Variants in ARHGEF38 observed in about 807,000 individuals in gnomAD.
ARHGEF38 encodes the protein Rho guanine nucleotide exchange factor (GEF) 38.
A neutral mutation model predicts 79.9 loss-of-function variants in ARHGEF38; 79 were observed. The observed-to-expected ratio is 0.99, with a 90% CI of 0.82 to 1.19. ARHGEF38 has a LOEUF of 1.19. Ranked by LOEUF, ARHGEF38 falls within the 50% of genes most tolerant of loss-of-function variation. The pLI is 0.00. For missense variants in ARHGEF38, 962 were observed against 907.2 expected, an observed-to-expected ratio of 1.06 and a Z score of -0.78; for synonymous variants, 366 against 328.3, an observed-to-expected ratio of 1.11 and a Z score of -1.24.
At chr4:105,607,013 T>A (rs1728073180) in intron 2 of ARHGEF38, among the ~76,000 whole-genome samples, 1 of 152,102 alleles carries the variant, frequency 6.6e-6, no homozygotes, top group Non-Finnish European at 1.5e-5. Context: ...CCTAGACTTC[T>A]TTACAGTGTT....
intron 13 of ARHGEF38, among the ~76,000 whole-genome samples, chr4:105,673,044 G>C (rs1731006648): frequency 6.6e-6 from 1 of 152,202 alleles, no homozygotes; most frequent in Non-Finnish European, 1.5e-5. Context: ...GCCCATCCAG[G>C]ATAATCCCTC....
chr4:105,675,889 G>A (rs1327165601), intron 13 of ARHGEF38, among the ~76,000 whole-genome samples: 1 of 152,094 alleles, frequency 6.6e-6, no homozygotes, highest in Non-Finnish European at 1.5e-5. Context: ...GAAGTTGAAG[G>A]CTAATCACCT....
chr4:105,567,878 C>G (rs1367469949), intron 1 of ARHGEF38, among the ~76,000 whole-genome samples: 1 of 151,380 alleles, frequency 6.6e-6, no homozygotes, highest in Non-Finnish European at 1.5e-5. Flanking sequence ...TGCGCTGCAC[C>G]CACTAACTCG....
chr4:105,630,886 T>G lies in ARHGEF38; in HGVS notation c.509-12T>G, dbSNP rs1239057615. On this transcript the variant is annotated splice_polypyrimidine_tract_variant and intron_variant, in intron 3 of 13. Coordinates refer to ENST00000420470, the MANE Select transcript of ARHGEF38 (RefSeq NM_001242729.2). ...TGATGATGTCATTTTGCCTTTGTTT[T>G]GCATTTATCAGGAGAAGTATTCTTG... 12 of 1,598,102 alleles carry G rather than the reference T, an allele frequency of 7.5e-6. No homozygotes were observed. Among genetic ancestry groups the G allele is most frequent in the Admixed American group, 1.8e-5 (1 of 56,436 alleles).
chr4:105,615,045 A>G (rs1434671599), intron 3 of ARHGEF38, among the ~76,000 whole-genome samples: 8 of 152,252 alleles, frequency 5.3e-5, no homozygotes, highest in Admixed American at 5.2e-4. Flanking sequence ...AATAGGGTCC[A>G]TGTTGAGGAG....
At chr4:105,630,574 C>T (rs1321935333) in intron 3 of ARHGEF38, among the ~76,000 whole-genome samples, 1 of 152,164 alleles carries the variant, frequency 6.6e-6, no homozygotes, top group Non-Finnish European at 1.5e-5. Flanking sequence ...TTCTGCACAT[C>T]AACCTTGTGT....
At chr4:105,572,657 C>A (rs866161850) in intron 1 of ARHGEF38, among the ~76,000 whole-genome samples, 1 of 152,130 alleles carries the variant, frequency 6.6e-6, no homozygotes, top group Middle Eastern at 3.2e-3. Context: ...TTGTGCCTGG[C>A]TTATTTTACT....
chr4:105,652,553 A>G (rs1730148130), intron 7 of ARHGEF38, among the ~76,000 whole-genome samples: 1 of 152,354 alleles, frequency 6.6e-6, no homozygotes, highest in Admixed American at 6.5e-5. Context: ...GAACAGCAGT[A>G]TATTCCAGCA....
chr4:105,663,701 G>A (rs896455672), intron 10 of ARHGEF38, among the ~76,000 whole-genome samples: 26 of 152,240 alleles, frequency 1.7e-4, no homozygotes, highest in Non-Finnish European at 3.4e-4. Context: ...TGGATGTGGT[G>A]GCTCACGCCT....
rs536112985 is a variant in ARHGEF38 at position 105,649,037 on chromosome 4, T to A, written c.1008+355T>A. Among the ~76,000 whole-genome samples, 96 of 152,190 alleles carry A rather than the reference T, an allele frequency of 6.3e-4. 1 individual carries two copies. The highest frequency in any genetic ancestry group is 2.6e-4 in the Admixed American group (4 of 15,276). On this transcript the variant is annotated intron_variant, in intron 7 of 13. Coordinates refer to ENST00000420470, the MANE Select transcript of ARHGEF38 (RefSeq NM_001242729.2). ...ATATTCTCCCTCAAGGCAATGCCCT[T>A]CTTCCATCCTGTTTTACTTCTGCTC...
intron 1 of ARHGEF38, among the ~76,000 whole-genome samples, chr4:105,586,017 C>T (rs978303821): frequency 6.6e-6 from 1 of 152,074 alleles, no homozygotes; most frequent in Non-Finnish European, 1.5e-5. Flanking sequence ...AGGCATGAGC[C>T]ACTGCGCCAG....
chr4:105,638,937 G>A (rs1055531511), intron 5 of ARHGEF38, among the ~76,000 whole-genome samples: 3 of 151,420 alleles, frequency 2.0e-5, no homozygotes, highest in African/African-American at 7.3e-5. Flanking sequence ...TGATTTTTTG[G>A]ATCAATTTCT....
chr4:105,577,256 C>T (rs1726550388), intron 1 of ARHGEF38, among the ~76,000 whole-genome samples: 2 of 112,652 alleles, frequency 1.8e-5, no homozygotes, highest in Admixed American at 1.1e-4. Flanking sequence ...CCCCCCTCCC[C>T]CCACCCCACA....
chr4:105,581,549 TA>T (rs1204740678), intron 1 of ARHGEF38, among the ~76,000 whole-genome samples: 1 of 152,208 alleles, frequency 6.6e-6, no homozygotes, highest in East Asian at 1.9e-4. Context: ...ATTTACTATT[TA>T]GTTCATTATA....
At chr4:105,559,602 T>A (rs922886284) in intron 1 of ARHGEF38, among the ~76,000 whole-genome samples, 3 of 152,118 alleles carry the variant, frequency 2.0e-5, no homozygotes, top group African/African-American at 7.2e-5. Context: ...CCTTTCAGAT[T>A]GTTATAAAAT....
At chr4:105,666,089 T>C in intron 10 of ARHGEF38, 88 bp from the exon 11 acceptor site, 3 of 1,238,046 alleles carry the variant, frequency 2.4e-6, no homozygotes, top group Non-Finnish European at 3.2e-6. Flanking sequence ...ATATACCTCC[T>C]CAACTGTTCA....
Position 105,591,509 on chromosome 4 carries a change from G to GT in ARHGEF38, c.384+2075dup, listed in dbSNP as rs565535131. On this transcript the variant is annotated intron_variant, in intron 2 of 13. Coordinates refer to ENST00000420470, the MANE Select transcript of ARHGEF38 (RefSeq NM_001242729.2). ...CTCCCAAAGTGCTGGGATTACAGGC[G>GT]TGAGCCACCATGCCCGGCCTCAGAA... 5.3e-5 allele frequency among the ~76,000 whole-genome samples: 8 copies of GT among 152,268 alleles called. No homozygotes were observed. In the East Asian group the frequency reaches 1.5e-3, roughly 29 times the overall value.
intron 7 of ARHGEF38, among the ~76,000 whole-genome samples, chr4:105,650,080 T>A (rs1730036646): frequency 6.6e-6 from 1 of 152,226 alleles, no homozygotes; most frequent in Non-Finnish European, 1.5e-5. Context: ...ATACTTTAGC[T>A]GTCATTATTA....
chr4:105,576,676 T>C (rs779552630), intron 1 of ARHGEF38, among the ~76,000 whole-genome samples: 1 of 152,206 alleles, frequency 6.6e-6, no homozygotes, highest in Non-Finnish European at 1.5e-5. Flanking sequence ...TTCTCTTACC[T>C]GTTTGCTCTG....
Sources: gnomAD v4.1 joint callset for allele counts (sites outside exome capture counted in the v4.1 genomes callset) on GRCh38, gnomAD v4.1.1 for gene constraint, MANE v1.5 for transcripts, NCBI Gene and HGNC (gene_info 2026-07-23, HGNC 2026-07-21) for gene names.